GEMIN5: variants seen among roughly 807,000 people sequenced by gnomAD.
GEMIN5 encodes gem nuclear organelle associated protein 5, also known as gem-associated protein 5.
Under a neutral mutation model 176.9 loss-of-function variants are expected in GEMIN5, and 124 were observed. The ratio of observed to expected loss-of-function variants is 0.70; its 90% CI spans 0.61 to 0.81. The LOEUF (loss-of-function observed/expected upper bound fraction) is 0.81. GEMIN5 is among the 40% of genes least tolerant of loss of function. GEMIN5 has a pLI of 0.00. For synonymous variants in GEMIN5, 673 were observed against 665.2 expected, an observed-to-expected ratio of 1.01 and a Z score of -0.18; for missense variants, 1,843 against 1,814.6, an observed-to-expected ratio of 1.02 and a Z score of -0.28.
intron 12 of GEMIN5, 103 bp from the exon 13 acceptor site, chr5:154,917,282 T>C (rs1447352629): frequency 1.8e-6 from 1 of 547,854 alleles, no homozygotes; most frequent in African/African-American, 1.9e-5. Context: ...AAAGATGAGG[T>C]GGAAAAGGAT....
At chr5:154,910,824 G>T (rs985670606) in intron 15 of GEMIN5, among the ~76,000 whole-genome samples, 2 of 152,052 alleles carry the variant, frequency 1.3e-5, no homozygotes, top group Non-Finnish European at 2.9e-5. Flanking sequence ...TCAGCCTCCC[G>T]AGTAGCTGGG....
chr5:154,894,768 A>G (rs1046459955), intron 24 of GEMIN5, among the ~76,000 whole-genome samples: 5 of 152,094 alleles, frequency 3.3e-5, no homozygotes. Context: ...TTAGCCGGGC[A>G]TGGTGGCAGG....
At chr5:154,936,090 C>A in intron 2 of GEMIN5, 68 bp from the exon 3 acceptor site, 6 of 989,890 alleles carry the variant, frequency 6.1e-6, no homozygotes, top group Non-Finnish European at 7.5e-6. Context: ...ACTTGTATCA[C>A]AAACCAGCAT....
rs1156333127 is a variant in GEMIN5 at position 154,931,494 on chromosome 5, G to C, written c.745C>G (p.Gln249Glu). The part of the protein sequence containing the change: ...GCYLATGSKD[Q>E]TIRIWSCSRG... The stretch of plus-strand genomic sequence containing the variant: ...GAACAGCTCCAGATTCGAATGGTTT[G>C]ATCTTTGCTTCCAGTGGCTAAGTAG... The change falls in exon 5 of 28, where the codon CAA becomes GAA. Residue 249 changes from glutamine to glutamate, a missense_variant. Coordinates refer to ENST00000285873, the MANE Select transcript of GEMIN5 (RefSeq NM_015465.5). 1 of 1,613,320 alleles carries C rather than the reference G, an allele frequency of 6.2e-7. No homozygotes were observed. Among genetic ancestry groups the C allele is most frequent in the Non-Finnish European group, 8.5e-7 (1 of 1,179,298 alleles).
chr5:154,909,133 A>ATT (rs70981958), intron 15 of GEMIN5, among the ~76,000 whole-genome samples: 41,943 of 100,110 alleles, frequency 0.42, 8,812 homozygotes, highest in Non-Finnish European at 0.49. Context: ...TAATTTTTGT[A>ATT]TTTTTTTTTT....
intron 24 of GEMIN5, among the ~76,000 whole-genome samples, chr5:154,894,778 G>A (rs993318585): frequency 6.6e-6 from 1 of 152,032 alleles, no homozygotes; most frequent in Non-Finnish European, 1.5e-5. Flanking sequence ...ATGGTGGCAG[G>A]TGCCTGTAAT....
At chr5:154,931,721 A>G in intron 4 of GEMIN5, 144 bp from the exon 5 acceptor site, 2 of 667,622 alleles carry the variant, frequency 3.0e-6, no homozygotes, top group Non-Finnish European at 4.9e-6. Flanking sequence ...TATAATTAAA[A>G]TGATATAATT....
At position 154,919,194 on chromosome 5, in the gene GEMIN5, G is replaced by A. The variant is rs186828460; in HGVS notation, c.1599+773C>T. Among the ~76,000 whole-genome samples the A allele has an allele frequency of 1.9e-3, 288 of 152,272 alleles. 1 individual carries two copies. Among genetic ancestry groups the A allele is most frequent in the African/African-American group, 6.3e-3 (261 of 41,550 alleles). Reference sequence around the variant, plus strand: ...AAAAATACAAAAATTAGCTGGGCATGGTGGCCCATGCCTGCAGTCCCAGAT... The same window carrying A: ...AAAAATACAAAAATTAGCTGGGCATAGTGGCCCATGCCTGCAGTCCCAGAT... On this transcript the variant is annotated intron_variant, in intron 11 of 27. Coordinates refer to ENST00000285873, the MANE Select transcript of GEMIN5 (RefSeq NM_015465.5).
intron 9 of GEMIN5, among the ~76,000 whole-genome samples, chr5:154,923,355 G>A (rs544901184): frequency 1.3e-5 from 2 of 152,218 alleles, no homozygotes; most frequent in East Asian, 3.9e-4. Context: ...ACTCCAGCCT[G>A]GGCAAGAAGA....
intron 27 of GEMIN5, 132 bp from the exon 28 acceptor site, chr5:154,888,509 A>T (rs1763155110): frequency 3.0e-6 from 2 of 665,512 alleles, no homozygotes; most frequent in South Asian, 4.0e-5. Context: ...GCTGTCTCCT[A>T]AGGCAATGTC....
At chr5:154,919,257 G>C (rs1263396400) in intron 11 of GEMIN5, among the ~76,000 whole-genome samples, 1 of 151,802 alleles carries the variant, frequency 6.6e-6, no homozygotes, top group East Asian at 1.9e-4. Flanking sequence ...CATGAACCTA[G>C]GAGGCCGGAG....
rs1417372404 is a variant in GEMIN5, at chr5:154,888,240, G to C, written c.4497C>G (p.Tyr1499Ter). 4 of 1,614,068 alleles carry C rather than the reference G, an allele frequency of 2.5e-6. No individual in the cohort carries two copies. The highest frequency in any genetic ancestry group is 3.4e-6 in the Non-Finnish European group (4 of 1,180,038). ...LLQKYGNTKT[Y>*]RRHCQTFCM ...TACAGAAGGTCTGGCAGTGTCTTCTGTAAGTTTTCGTGTTGCCGTATTTCT... is the reference window on the plus strand; with the variant it reads ...TACAGAAGGTCTGGCAGTGTCTTCTCTAAGTTTTCGTGTTGCCGTATTTCT... The change falls in exon 28 of 28, where the codon TAC becomes TAG. Residue 1499 changes from tyrosine to a stop codon, truncating the protein, a stop_gained. Transcript: ENST00000285873. LOFTEE classifies it high-confidence loss of function.
chr5:154,889,833 G>A (rs1285617871), intron 26 of GEMIN5, among the ~76,000 whole-genome samples: 1 of 152,170 alleles, frequency 6.6e-6, no homozygotes, highest in African/African-American at 2.4e-5. Context: ...ACATTCCATT[G>A]TATGGATATG....
At chr5:154,892,799 T>C (rs1009879345) in intron 24 of GEMIN5, 13 of 433,562 alleles carry the variant, frequency 3.0e-5, no homozygotes, top group Admixed American at 2.0e-4. Flanking sequence ...CATTTGCATT[T>C]AATTAAAACA....
chr5:154,916,179 C>A (rs564957419), intron 13 of GEMIN5, among the ~76,000 whole-genome samples: 1 of 151,810 alleles, frequency 6.6e-6, no homozygotes, highest in Non-Finnish European at 1.5e-5. Context: ...TGAGCCACTG[C>A]GCCTGGCTGA....
chr5:154,932,109 C>T lies in GEMIN5; in HGVS notation c.651G>A (p.Glu217=), dbSNP rs755926760. The T allele has an allele frequency of 9.3e-6, 15 of 1,612,560 alleles. No individual in the cohort carries two copies. Among genetic ancestry groups the T allele is most frequent in the Middle Eastern group, 1.6e-4 (1 of 6,064 alleles). The change falls in exon 4 of 28, where the codon GAG becomes GAA. Residue 217 remains glutamate (E), a synonymous_variant. Transcript: ENST00000285873. The stretch of plus-strand genomic sequence containing the variant: ...TTAAACCATCTCTACCTGAAGTTTC[C>T]TCTTGGTTTATAGATAAACAATCTT... The part of the protein sequence containing the change: ...PGEDCLSINQ[E]ETSEEAEITN...
intron 15 of GEMIN5, among the ~76,000 whole-genome samples, chr5:154,910,269 T>C (rs1309512257): frequency 6.6e-6 from 1 of 152,108 alleles, no homozygotes; most frequent in Non-Finnish European, 1.5e-5. Context: ...TTCATTTCTT[T>C]GGGTGTAAAT....
chr5:154,901,741 C>G (rs551470642), intron 20 of GEMIN5, among the ~76,000 whole-genome samples: 57 of 151,266 alleles, frequency 3.8e-4, no homozygotes, highest in African/African-American at 1.3e-3. Context: ...CAGTTAAATT[C>G]CTATAATCAT....
At chr5:154,888,471 T>C (rs1408584079) in intron 27 of GEMIN5, 94 bp from the exon 28 acceptor site, 36 of 1,020,738 alleles carry the variant, frequency 3.5e-5, no homozygotes, top group African/African-American at 4.8e-5. Context: ...GGTTCATCTA[T>C]AGACACTTCT....
Sources: allele counts gnomAD v4.1 joint callset (sites outside exome capture counted in the v4.1 genomes callset), GRCh38; gene constraint gnomAD v4.1.1; transcripts MANE v1.5; gene names NCBI Gene and HGNC (gene_info 2026-07-23, HGNC 2026-07-21).